Variants in FUBP1 observed in about 807,000 individuals in gnomAD.
The protein encoded by FUBP1 is far upstream element-binding protein 1.
FUBP1 carries 16 observed loss-of-function variants against 94.9 expected under a neutral mutation model. The ratio of observed to expected loss-of-function variants is 0.17; its 90% confidence interval spans 0.11 to 0.26. The LOEUF (loss-of-function observed/expected upper bound fraction) is 0.26. Among genes scored for constraint, FUBP1 ranks in the 10% least tolerant of loss-of-function variants. FUBP1 has a pLI of 1.00. For missense variants in FUBP1, 583 were observed against 808.6 expected (o/e 0.72, Z 3.38); for synonymous variants, 279 against 254.9 (o/e 1.09, Z -0.90).
chr1:77,953,273 T>A (rs1306146164), intron 18 of FUBP1, among the ~76,000 whole-genome samples: 2 of 152,110 alleles, frequency 1.3e-5, no homozygotes, highest in African/African-American at 4.8e-5. Flanking sequence ...GTGGATCACC[T>A]GAGGTCAGGA....
At position 77,946,031 on chromosome 1, in the gene FUBP1, T is replaced by A; in HGVS notation, c.*2735A>T. 5.1e-6 allele frequency: 1 copy of A among 197,180 alleles called. No homozygotes were observed. Among genetic ancestry groups the A allele is most frequent in the Non-Finnish European group, 1.1e-5 (1 of 95,014 alleles). 12.2% of individuals were successfully genotyped at this position (197,180 alleles called of 1,614,324 possible). ...CTTTTGTCTAAGAAAAAAATCATAA[T>A]AAAATTCTAACCCATAATATCCTTA... On this transcript the variant is annotated 3_prime_UTR_variant, in exon 20 of 20. Transcript: ENST00000370768.
At chr1:77,949,114 A>C in intron 19 of FUBP1, 41 bp downstream of exon 19, 1 of 1,565,932 alleles carries the variant, frequency 6.4e-7, no homozygotes, top group Non-Finnish European at 8.8e-7. Context: ...TGCAGAAAAC[A>C]GACTGGAGTA....
upstream of FUBP1, chr1:77,979,138 C>G: frequency 1.1e-6 from 1 of 880,366 alleles, no homozygotes; most frequent in Admixed American, 2.9e-5. Context: ...GGGGCGGAGA[C>G]TGAAGGAACA....
rs2102376428 is a variant in FUBP1 at position 77,962,905 on chromosome 1, G to A, written c.1209C>T (p.Ser403=). 6.2e-7 allele frequency: 1 copy of A among 1,612,702 alleles called. No individual in the cohort carries two copies. The highest frequency in any genetic ancestry group is 1.3e-5 in the African/African-American group (1 of 74,980). The change falls in exon 14 of 20, where the codon AGC becomes AGT. Residue 403 remains serine, a synonymous_variant. Transcript: ENST00000370768. ...GKGGETIKSI[S]QQSGARIELQ... is the part of the protein sequence containing the mutation. ...GTTCTATTCTTGCACCAGACTGCTG[G>A]CTTATGCTTTTTATGGTTTCACCTC...
intron 16 of FUBP1, among the ~76,000 whole-genome samples, chr1:77,957,667 G>A (rs1000075779): frequency 6.6e-6 from 1 of 152,132 alleles, no homozygotes; most frequent in African/African-American, 2.4e-5. Context: ...AGTCAAGTTT[G>A]AGAAAAATGA....
In FUBP1 at chr1:77,966,961, T is replaced by C. The variant is rs1233869495; in HGVS notation, c.344-6A>G. ...TTCACCTCCTCTGCCAATTACTAGT[T>C]AGAAAAAAAAAAATTTTTTTTTTGG... On this transcript the variant is annotated splice_region_variant and splice_polypyrimidine_tract_variant and intron_variant, in intron 5 of 19. Coordinates refer to ENST00000370768, the MANE Select transcript of FUBP1 (RefSeq NM_003902.5). 3.8e-6 allele frequency: 6 copies of C among 1,589,984 alleles called. No individual in the cohort carries two copies. The highest frequency in any genetic ancestry group is 1.7e-4 in the Middle Eastern group (1 of 5,994).
Position 77,948,048 on chromosome 1 carries a change from G to A in FUBP1, c.*718C>T. 10 of 1,028,646 alleles carry A rather than the reference G, an allele frequency of 9.7e-6. No individual in the cohort carries two copies. Among genetic ancestry groups the A allele is most frequent in the Non-Finnish European group, 1.2e-5 (10 of 850,488 alleles). The allele number at this position is 1,028,646 out of a possible 1,614,324, so 63.7% of individuals were successfully genotyped here. On this transcript the variant is annotated 3_prime_UTR_variant, in exon 20 of 20. Coordinates refer to ENST00000370768, the MANE Select transcript of FUBP1 (RefSeq NM_003902.5). ...GTATTATCAAATTAAGAACAGAAAG[G>A]TTAACTGTTATAGCAGCAGTACAGG...
intron 9 of FUBP1, 30 bp downstream of exon 9, chr1:77,964,840 T>C (rs1325842118): frequency 6.5e-7 from 1 of 1,529,342 alleles, no homozygotes; most frequent in Non-Finnish European, 9.1e-7. Flanking sequence ...CAACCCACTC[T>C]TTCTTTATAA....
chr1:77,967,733 C>T, intron 3 of FUBP1, 67 bp from the exon 4 acceptor site: 1 of 926,876 alleles, frequency 1.1e-6, no homozygotes, highest in Non-Finnish European at 1.7e-6. Context: ...TATTTAACAA[C>T]ACAATCACAT....
chr1:77,967,741 CA>C, intron 3 of FUBP1, 75 bp from the exon 4 acceptor site: 1 of 873,726 alleles, frequency 1.1e-6, no homozygotes, highest in South Asian at 1.6e-5. Flanking sequence ...AACACAATCA[CA>C]TCAAACATTC....
intron 1 of FUBP1, among the ~76,000 whole-genome samples, chr1:77,974,121 G>A (rs914983559): frequency 4.7e-5 from 7 of 150,528 alleles, no homozygotes; most frequent in South Asian, 4.2e-4. Flanking sequence ...CACCACGTCT[G>A]GCTAATTTTT....
chr1:77,968,773 A>G (rs768993585), intron 2 of FUBP1, among the ~76,000 whole-genome samples: 10 of 152,126 alleles, frequency 6.6e-5, no homozygotes, highest in Non-Finnish European at 1.5e-4. Context: ...AAGCAACTAC[A>G]TGACTACCTT....
At chr1:77,956,538 T>C (rs767402951) in intron 17 of FUBP1, 34 bp downstream of exon 17, 1 of 1,549,582 alleles carries the variant, frequency 6.5e-7, no homozygotes, top group Non-Finnish European at 8.9e-7. Context: ...AAGCACAACT[T>C]TTGGCTTTCA....
chr1:77,972,952 G>A (rs928770921), intron 1 of FUBP1, among the ~76,000 whole-genome samples: 6 of 150,682 alleles, frequency 4.0e-5, no homozygotes, highest in African/African-American at 1.5e-4. Context: ...TTCAGAAGCT[G>A]AGATGGGAGA....
chr1:77,955,550 G>A, intron 17 of FUBP1: 1 of 453,662 alleles, frequency 2.2e-6, no homozygotes, highest in Non-Finnish European at 3.9e-6. Context: ...TTGAAGACTG[G>A]TTATGTTGAA....
chr1:77,968,375 C>T (rs998651744), intron 2 of FUBP1, among the ~76,000 whole-genome samples, 172 bp from the exon 3 acceptor site: 3 of 151,968 alleles, frequency 2.0e-5, no homozygotes, highest in Non-Finnish European at 4.4e-5. Flanking sequence ...AAAAAAGAAA[C>T]GATACTTCAT....
Position 77,979,044 on chromosome 1 carries a change from T to A in FUBP1, c.-40A>T. The A allele has an allele frequency of 6.4e-7, 1 of 1,562,892 alleles. No homozygotes were observed. The highest frequency in any genetic ancestry group is 8.7e-7 in the Non-Finnish European group (1 of 1,148,994). On this transcript the variant is annotated 5_prime_UTR_variant, in exon 1 of 20. Transcript: ENST00000370768. ...AGCCGCTGCCGCCTGTTCAGAGACTTCCTCTCAGCTAACAGCTAAGAAAGA... is the reference window on the plus strand; with the variant it reads ...AGCCGCTGCCGCCTGTTCAGAGACTACCTCTCAGCTAACAGCTAAGAAAGA...
intron 15 of FUBP1, 33 bp downstream of exon 15, chr1:77,960,311 T>G: frequency 6.2e-7 from 1 of 1,613,190 alleles, no homozygotes; most frequent in Middle Eastern, 1.7e-4. Context: ...CTAGAATCTT[T>G]GGGGAAAGCC....
chr1:77,952,256 AAAAAT>A (rs911882944), intron 18 of FUBP1, among the ~76,000 whole-genome samples: 1 of 152,082 alleles, frequency 6.6e-6, no homozygotes, highest in African/African-American at 2.4e-5. Context: ...TAAAATAAAA[AAAAAT>A]AAAATAAAAA....
Sources: gnomAD v4.1 joint callset for allele counts (sites outside exome capture counted in the v4.1 genomes callset) on GRCh38, gnomAD v4.1.1 for gene constraint, MANE v1.5 for transcripts, NCBI Gene and HGNC (gene_info 2026-07-23, HGNC 2026-07-21) for gene names.